The following SEM1 variants were observed in gnomAD, a reference collection of about 807,000 sequenced individuals.
The protein encoded by SEM1 is 26S proteasome complex subunit SEM1.
In SEM1, 3 loss-of-function variants were observed where a neutral mutation model predicts 12.7. That is an observed-to-expected ratio of 0.24 (90% CI 0.11 to 0.61). The LOEUF (loss-of-function observed/expected upper bound fraction) is 0.61. Ranked by LOEUF, SEM1 falls within the 20% of genes least tolerant of loss-of-function variation. The pLI, the probability that SEM1 is intolerant of heterozygous loss-of-function variation, is 0.88. For synonymous variants in SEM1, 30 were observed against 27.8 expected, an observed-to-expected ratio of 1.08 and a Z score of -0.25; for missense variants, 59 against 81.3, an observed-to-expected ratio of 0.73 and a Z score of 1.06.
At chr7:96,588,381 CACACACACACACACACGAGAGAGAGA>C (rs1445236588) in intron 2 of SEM1, among the ~76,000 whole-genome samples, 5 of 137,214 alleles carry the variant, frequency 3.6e-5, no homozygotes, top group Non-Finnish European at 7.7e-5. Flanking sequence ...CACACACACA[CACACACACACACACACGAGAGAGAGA>C]GAGAGAGAGA....
At chr7:96,535,842 T>C (rs1374302187) in intron 2 of SEM1, among the ~76,000 whole-genome samples, 1 of 152,058 alleles carries the variant, frequency 6.6e-6, no homozygotes, top group African/African-American at 2.4e-5. Flanking sequence ...TACCACATTT[T>C]CTTTATTCAG....
At chr7:96,673,649 A>C (rs998121336) in exon 3 of SEM1, 2 of 670,246 alleles carry the variant, frequency 3.0e-6, no homozygotes, top group Admixed American at 4.2e-5. Context: ...CTCCTTACTG[A>C]CTCCATGCAC....
chr7:96,483,899 C>G (rs1452794050), exon 4 of SEM1: 2 of 1,536,682 alleles, frequency 1.3e-6, no homozygotes, highest in South Asian at 1.2e-5. Flanking sequence ...GTAGAGGTCA[C>G]CCGAATGGCA....
At chr7:96,679,035 A>C (rs544595741) in intron 2 of SEM1, among the ~76,000 whole-genome samples, 11 of 152,256 alleles carry the variant, frequency 7.2e-5, no homozygotes, top group African/African-American at 2.6e-4. Context: ...TAAAATATGA[A>C]GAAACTTCTT....
At chr7:96,691,392 A>C (rs1192913704) in intron 2 of SEM1, among the ~76,000 whole-genome samples, 1 of 152,208 alleles carries the variant, frequency 6.6e-6, no homozygotes, top group African/African-American at 2.4e-5. Context: ...GTAAAGCACT[A>C]ATTATCATCT....
upstream of SEM1, among the ~76,000 whole-genome samples, chr7:96,499,650 T>TAAAC (rs201189187): frequency 9.0e-3 from 1,371 of 152,280 alleles, 18 homozygotes; most frequent in African/African-American, 0.031. Flanking sequence ...ACTTAACAAA[T>TAAAC]AAACAAGTCA....
chr7:96,584,075 C>T (rs962543553), intron 2 of SEM1, among the ~76,000 whole-genome samples: 41 of 152,292 alleles, frequency 2.7e-4, no homozygotes, highest in Admixed American at 2.4e-3. Flanking sequence ...ATGGCCTTTA[C>T]ATTTTGGCAT....
At chr7:96,675,000 A>C (rs192394154) in intron 2 of SEM1, among the ~76,000 whole-genome samples, 101 of 152,300 alleles carry the variant, frequency 6.6e-4, no homozygotes, top group African/African-American at 2.3e-3. Context: ...GCATGGGGAC[A>C]CAGTACCTCA....
chr7:96,665,377 C>T (rs1007436716), intron 2 of SEM1, among the ~76,000 whole-genome samples: 1 of 152,096 alleles, frequency 6.6e-6, no homozygotes, highest in Non-Finnish European at 1.5e-5. Context: ...ATATTTCCCG[C>T]CTAAAAATAT....
chr7:96,496,186 T>TA (rs1803244964), intron 1 of SEM1: 2 of 742,514 alleles, frequency 2.7e-6, no homozygotes, highest in Non-Finnish European at 2.2e-6. Context: ...GTTAGATAGT[T>TA]AAAATCATCG....
intron 2 of SEM1, among the ~76,000 whole-genome samples, chr7:96,657,700 T>C (rs912781400): frequency 2.0e-5 from 3 of 152,238 alleles, no homozygotes; most frequent in Non-Finnish European, 4.4e-5. Flanking sequence ...AGGTATTTCA[T>C]GCAGGGAAGT....
At chr7:96,653,380 ATT>A (rs1375206174) in intron 2 of SEM1, among the ~76,000 whole-genome samples, 1 of 152,234 alleles carries the variant, frequency 6.6e-6, no homozygotes, top group Non-Finnish European at 1.5e-5. Context: ...TACAGAGATA[ATT>A]GCCTAGCTCT....
chr7:96,547,551 C>T (rs1258269453), intron 2 of SEM1, among the ~76,000 whole-genome samples: 1 of 152,130 alleles, frequency 6.6e-6, no homozygotes, highest in African/African-American at 2.4e-5. Context: ...TGACAATGTG[C>T]CTGACTGGCA....
chr7:96,559,124 A>C (rs993841362), intron 2 of SEM1, among the ~76,000 whole-genome samples: 5 of 152,226 alleles, frequency 3.3e-5, no homozygotes, highest in Admixed American at 6.5e-5. Context: ...GTTAACATCT[A>C]AATTTGAGTT....
chr7:96,609,768 AG>A (rs1352772985), intron 2 of SEM1, among the ~76,000 whole-genome samples: 2 of 152,220 alleles, frequency 1.3e-5, no homozygotes, highest in African/African-American at 4.8e-5. Flanking sequence ...CTATGAGGAA[AG>A]GGATAGAGAC....
chr7:96,589,328 A>T (rs1806755246), intron 2 of SEM1, among the ~76,000 whole-genome samples: 1 of 152,142 alleles, frequency 6.6e-6, no homozygotes, highest in Non-Finnish European at 1.5e-5. Flanking sequence ...CCATCCCCGG[A>T]TTAGAGCACA....
chr7:96,670,326 T>C (rs1434729556), downstream of SEM1, among the ~76,000 whole-genome samples: 1 of 152,202 alleles, frequency 6.6e-6, no homozygotes, highest in African/African-American at 2.4e-5. Flanking sequence ...TCTTAAGGCT[T>C]ACTTAGCTTT....
chr7:96,596,872 G>C (rs1186217381), intron 2 of SEM1, among the ~76,000 whole-genome samples: 1 of 152,172 alleles, frequency 6.6e-6, no homozygotes, highest in Admixed American at 6.6e-5. Flanking sequence ...CAAATTGGTG[G>C]TTTGTTGTGT....
intron 2 of SEM1, among the ~76,000 whole-genome samples, chr7:96,668,283 A>C (rs1789223152): frequency 6.6e-6 from 1 of 152,152 alleles, no homozygotes; most frequent in African/African-American, 2.4e-5. Flanking sequence ...TAAGAGTATA[A>C]ATTTTGACAA....
Sources: allele counts gnomAD v4.1 joint callset (sites outside exome capture counted in the v4.1 genomes callset), GRCh38; gene constraint gnomAD v4.1.1; transcripts MANE v1.5; gene names NCBI Gene and HGNC (gene_info 2026-07-23, HGNC 2026-07-21).